The following EPS15 variants were observed in gnomAD, a reference collection of about 807,000 sequenced individuals.
EPS15 encodes the protein epidermal growth factor receptor pathway substrate 15, also known as epidermal growth factor receptor substrate 15.
Under a neutral mutation model 113.8 loss-of-function variants are expected in EPS15, and 72 were observed. The observed-to-expected ratio is 0.63, with a 90% confidence interval of 0.52 to 0.77. The LOEUF is 0.77. EPS15 is among the 30% of genes least tolerant of loss of function. The pLI is 0.00. For synonymous variants in EPS15, 344 were observed against 363.4 expected, an observed-to-expected ratio of 0.95 and a Z score of 0.61; for missense variants, 1,048 against 1,045.8, an observed-to-expected ratio of 1.00 and a Z score of -0.03.
chr1:51,401,267 A>G (rs1004190433), intron 18 of EPS15: 13 of 208,180 alleles, frequency 6.2e-5, no homozygotes, highest in Non-Finnish European at 1.0e-4. Context: ...ACTGAGCTTT[A>G]CTGAAGCAAA....
chr1:51,449,145 T>C (rs1653320110), intron 8 of EPS15, among the ~76,000 whole-genome samples: 1 of 152,186 alleles, frequency 6.6e-6, no homozygotes, highest in Non-Finnish European at 1.5e-5. Context: ...ACACATATGT[T>C]CATCACAGCA....
chr1:51,448,193 G>A, intron 8 of EPS15, 58 bp from the exon 9 acceptor site: 1 of 974,952 alleles, frequency 1.0e-6, no homozygotes, highest in Non-Finnish European at 1.6e-6. Flanking sequence ...TCCACCCACT[G>A]AATTGATTAT....
At chr1:51,403,841 T>C (rs967899496) in intron 16 of EPS15, among the ~76,000 whole-genome samples, 1 of 152,180 alleles carries the variant, frequency 6.6e-6, no homozygotes, top group African/African-American at 2.4e-5. Context: ...CAATCACTTA[T>C]AGTACTATCA....
chr1:51,484,756 T>C (rs1644089668), intron 1 of EPS15, among the ~76,000 whole-genome samples: 1 of 152,182 alleles, frequency 6.6e-6, no homozygotes, highest in Non-Finnish European at 1.5e-5. Context: ...AGGAGAAATA[T>C]TTGACACTGG....
At chr1:51,460,942 A>T (rs1557491603) in intron 8 of EPS15, 149 bp downstream of exon 8, 10 of 551,304 alleles carry the variant, frequency 1.8e-5, no homozygotes, top group Non-Finnish European at 1.6e-5. Context: ...TGACAGAGTG[A>T]GACTCTGTCT....
At chr1:51,486,015 C>G (rs1644114891) in intron 1 of EPS15, among the ~76,000 whole-genome samples, 1 of 152,000 alleles carries the variant, frequency 6.6e-6, no homozygotes, top group African/African-American at 2.4e-5. Context: ...CCAGGTTGGT[C>G]TTGAACTACT....
At chr1:51,488,396 C>A (rs1262154833) in intron 1 of EPS15, among the ~76,000 whole-genome samples, 1 of 147,200 alleles carries the variant, frequency 6.8e-6, no homozygotes, top group East Asian at 2.0e-4. Context: ...TGAAAGAGTC[C>A]ATTGCTATTT....
At chr1:51,462,288 G>A (rs1252084280) in intron 7 of EPS15, among the ~76,000 whole-genome samples, 2 of 151,826 alleles carry the variant, frequency 1.3e-5, no homozygotes, top group Middle Eastern at 3.2e-3. Flanking sequence ...GCTTGAACCC[G>A]GGAGGCAGAG....
chr1:51,376,662 AAAAC>A (rs761426174), intron 21 of EPS15, among the ~76,000 whole-genome samples: 6 of 152,032 alleles, frequency 3.9e-5, no homozygotes, highest in African/African-American at 7.2e-5. Context: ...AGACTGTCTC[AAAAC>A]AAACAAACAA....
intron 1 of EPS15, among the ~76,000 whole-genome samples, chr1:51,490,786 T>C (rs1239136257): frequency 1.3e-5 from 2 of 152,132 alleles, no homozygotes; most frequent in Admixed American, 6.5e-5. Context: ...TACAGTTACA[T>C]GAACCCACAC....
chr1:51,435,156 C>CT (rs1652043202), intron 12 of EPS15, among the ~76,000 whole-genome samples: 1 of 151,358 alleles, frequency 6.6e-6, no homozygotes, highest in African/African-American at 2.4e-5. Context: ...ATTCAAAAAC[C>CT]TTTTATATAT....
intron 8 of EPS15, among the ~76,000 whole-genome samples, chr1:51,449,307 A>T (rs1033981756): frequency 2.0e-5 from 3 of 152,194 alleles, no homozygotes; most frequent in Non-Finnish European, 2.9e-5. Flanking sequence ...ATACAGCTGG[A>T]GGCCATTATC....
chr1:51,463,608 C>T, intron 7 of EPS15, 65 bp downstream of exon 7: 2 of 863,832 alleles, frequency 2.3e-6, no homozygotes, highest in South Asian at 4.0e-5. Context: ...TATACATGCT[C>T]CTGGCATAAT....
intron 22 of EPS15, among the ~76,000 whole-genome samples, chr1:51,364,392 A>C (rs1646459682): frequency 6.6e-6 from 1 of 152,234 alleles, no homozygotes; most frequent in African/African-American, 2.4e-5. Context: ...ATGGTAATCA[A>C]AGGAAAAAAA....
At position 51,481,282 on chromosome 1, in the gene EPS15, G is replaced by C; in HGVS notation, c.66C>G (p.Tyr22Ter). 2 of 1,373,028 alleles carry C rather than the reference G, an allele frequency of 1.5e-6. No individual in the cohort carries two copies. The highest frequency in any genetic ancestry group is 1.0e-6 in the Non-Finnish European group (1 of 963,910). The allele number at this position is 1,373,028 out of a possible 1,614,324, so 85.1% of individuals were successfully genotyped here. Residue 22 changes from tyrosine (Y) to a stop codon, truncating the protein, a stop_gained, in exon 2 of 25, where the codon TAC becomes TAG. Coordinates refer to ENST00000371733, the MANE Select transcript of EPS15 (RefSeq NM_001981.3). LOFTEE classifies it high-confidence loss of function. The part of the protein sequence containing the change: ...LSSGNPVYEK[Y>*]YRQVDTGNTG... ...GAAACAAAAATCTTACCTGTCTATA[G>C]TATTTTTCATATACAGGATTCCCAC... is the stretch of plus-strand genomic sequence containing the variant.
At chr1:51,388,412 T>G (rs2148395976) in intron 21 of EPS15, among the ~76,000 whole-genome samples, 1 of 152,134 alleles carries the variant, frequency 6.6e-6, no homozygotes, top group African/African-American at 2.4e-5. Context: ...TTAAAAGAAT[T>G]AGAAAAGCAA....
intron 21 of EPS15, among the ~76,000 whole-genome samples, chr1:51,366,745 T>G (rs1282509469): frequency 1.3e-5 from 2 of 152,212 alleles, no homozygotes; most frequent in Non-Finnish European, 2.9e-5. Context: ...CTTCAAGACA[T>G]ATTTCAAATG....
chr1:51,461,186 C>T (rs752047465), intron 7 of EPS15, 36 bp from the exon 8 acceptor site: 2 of 1,424,632 alleles, frequency 1.4e-6, no homozygotes, highest in East Asian at 2.3e-5. Flanking sequence ...GATTAATGTT[C>T]TTTCAGTTCA....
chr1:51,465,376 A>G, intron 5 of EPS15, 50 bp from the exon 6 acceptor site: 1 of 1,314,552 alleles, frequency 7.6e-7, no homozygotes, highest in Admixed American at 2.0e-5. Flanking sequence ...CACATCAAGA[A>G]GCAATGAAGA....
Sources: allele counts gnomAD v4.1 joint callset (sites outside exome capture counted in the v4.1 genomes callset), GRCh38; gene constraint gnomAD v4.1.1; transcripts MANE v1.5; gene names NCBI Gene and HGNC (gene_info 2026-07-23, HGNC 2026-07-21).